Variants in SH2D4B observed in about 807,000 individuals in gnomAD.
SH2D4B encodes SH2 domain containing 4B, also known as SH2 domain-containing protein 4B.
Under a neutral mutation model 61.5 loss-of-function variants are expected in SH2D4B, and 45 were observed. That is an observed-to-expected ratio of 0.73 (90% CI 0.58 to 0.94). The LOEUF (loss-of-function observed/expected upper bound fraction) is 0.94, where lower values mean the gene tolerates loss of function less well. Among genes scored for constraint, SH2D4B ranks in the 40% least tolerant of loss-of-function variants. SH2D4B has a pLI of 0.00. For missense variants in SH2D4B, 572 were observed against 574.2 expected, an observed-to-expected ratio of 1.00 and a Z score of 0.04; for synonymous variants, 224 against 220.4, an observed-to-expected ratio of 1.02 and a Z score of -0.14.
Position 80,603,649 on chromosome 10 carries a change from C to T in SH2D4B, c.714C>T (p.His238=), listed in dbSNP as rs1913762. ...RAQRARDEYR[H]HSLRAIQKGT... ...AGCGCGCCCGGGACGAGTACCGACA[C>T]CACTCGCTCCGTGCTATCCAGAAGG... Residue 238 remains histidine (H), a synonymous_variant, in exon 5 of 8, where the codon CAC becomes CAT. Transcript: ENST00000646907. 111,947 of 1,604,272 alleles carry T rather than the reference C, an allele frequency of 0.07. 4,440 individuals carry two copies. The highest frequency in any genetic ancestry group is 0.13 in the Admixed American group (7,841 of 58,338).
chr10:80,551,538 A>G (rs145962127), intron 1 of SH2D4B, among the ~76,000 whole-genome samples: 224 of 152,336 alleles, frequency 1.5e-3, no homozygotes, highest in African/African-American at 5.1e-3. Flanking sequence ...AATGAAGGAA[A>G]AAAAATGAAC....
At chr10:80,612,869 C>G (rs568824634) in intron 6 of SH2D4B, among the ~76,000 whole-genome samples, 7 of 152,328 alleles carry the variant, frequency 4.6e-5, no homozygotes, top group African/African-American at 1.7e-4. Context: ...GACAAAGAAT[C>G]TGAAGATATG....
intron 1 of SH2D4B, among the ~76,000 whole-genome samples, chr10:80,554,806 A>G (rs1327229864): frequency 1.3e-5 from 2 of 152,186 alleles, no homozygotes; most frequent in Admixed American, 1.3e-4. Context: ...TCAGGAGATC[A>G]AGACTATCCT....
chr10:80,612,473 G>A lies in SH2D4B; in HGVS notation c.988+2922G>A, dbSNP rs558273037. On this transcript the variant is annotated intron_variant, in intron 6 of 7. Coordinates refer to ENST00000646907, the MANE Select transcript of SH2D4B (RefSeq NM_001388272.1). The stretch of plus-strand genomic sequence containing the variant: ...TTCTGGGACCAGTGGGCCAGCTCAG[G>A]CATGCTCTTCTCATGGTGACAGGAC... 3.3e-4 allele frequency among the ~76,000 whole-genome samples: 50 copies of A among 152,206 alleles called. 1 individual carries two copies. Among genetic ancestry groups the A allele is most frequent in the South Asian group, 2.3e-3 (11 of 4,822 alleles).
At chr10:80,570,062 T>C in intron 1 of SH2D4B, 92 bp from the exon 2 acceptor site, 7 of 1,442,690 alleles carry the variant, frequency 4.9e-6, no homozygotes, top group Non-Finnish European at 6.7e-6. Context: ...TTCCATAGAG[T>C]GATGTGATGG....
At chr10:80,613,812 A>G (rs1015061264) in intron 6 of SH2D4B, among the ~76,000 whole-genome samples, 1 of 152,174 alleles carries the variant, frequency 6.6e-6, no homozygotes, top group Non-Finnish European at 1.5e-5. Flanking sequence ...ACCTGCTTCC[A>G]CTGTGACCTC....
chr10:80,542,915 C>T (rs1049511518), intron 1 of SH2D4B, among the ~76,000 whole-genome samples: 11 of 152,192 alleles, frequency 7.2e-5, no homozygotes, highest in African/African-American at 2.7e-4. Flanking sequence ...TGCTCACTGT[C>T]CTGCCCTCAT....
In SH2D4B at chr10:80,644,218, C is replaced by T; in HGVS notation, c.*133C>T. 1 of 695,044 alleles carries T rather than the reference C, an allele frequency of 1.4e-6. No homozygotes were observed. The highest frequency in any genetic ancestry group is 2.5e-6 in the Non-Finnish European group (1 of 406,688). 43.1% of individuals were successfully genotyped at this position (695,044 alleles called of 1,614,324 possible). A position where few individuals can be genotyped will look rare whatever the true frequency, so the allele number is the denominator to read the frequency against. ...AAGGAAAAAGTAGATTAATATGCCT[C>T]AAGGGATATGACATCTATGGCATAG... On this transcript the variant is annotated 3_prime_UTR_variant, in exon 8 of 8. Transcript: ENST00000646907.
At chr10:80,643,149 T>A (rs1177958749) in intron 7 of SH2D4B, 2 of 152,660 alleles carry the variant, frequency 1.3e-5, no homozygotes, top group Non-Finnish European at 2.9e-5. Context: ...AATTGCTTTT[T>A]AGTTATGAGC....
intron 1 of SH2D4B, among the ~76,000 whole-genome samples, chr10:80,545,767 C>T (rs1393109024): frequency 6.6e-6 from 1 of 152,214 alleles, no homozygotes; most frequent in African/African-American, 2.4e-5. Context: ...TGACTGGGGA[C>T]ACAGATGCTA....
intron 3 of SH2D4B, among the ~76,000 whole-genome samples, chr10:80,581,886 G>C (rs539954240): frequency 2.0e-5 from 3 of 152,026 alleles, no homozygotes; most frequent in African/African-American, 7.2e-5. Flanking sequence ...TGGGTCCTTT[G>C]GTATACTTCA....
At chr10:80,550,919 A>AC (rs1841751973) in intron 1 of SH2D4B, among the ~76,000 whole-genome samples, 2 of 152,256 alleles carry the variant, frequency 1.3e-5, no homozygotes, top group African/African-American at 4.8e-5. Context: ...AAAGATCAAC[A>AC]CAAAAAAAGG....
In SH2D4B at chr10:80,606,183, C is replaced by G. The variant is rs550450140; in HGVS notation, c.860+2388C>G. On this transcript the variant is annotated intron_variant, in intron 5 of 7. Coordinates refer to ENST00000646907, the MANE Select transcript of SH2D4B (RefSeq NM_001388272.1). ...GTTTGTGCTAAGAGCAGATGCATGCCGCTGATGGGAGGAGAGGTTCAGATT... is the reference window on the plus strand; with the variant it reads ...GTTTGTGCTAAGAGCAGATGCATGCGGCTGATGGGAGGAGAGGTTCAGATT... Among the ~76,000 whole-genome samples, 13 of 152,046 alleles carry G rather than the reference C, an allele frequency of 8.6e-5. No homozygotes were observed. In the East Asian group the frequency reaches 2.3e-3, roughly 27 times the overall value.
intron 6 of SH2D4B, among the ~76,000 whole-genome samples, chr10:80,632,639 T>G (rs79181994): frequency 0.017 from 2,543 of 152,160 alleles, 82 homozygotes; most frequent in African/African-American, 0.058. Flanking sequence ...ATCTCCCTGC[T>G]GCAGCCTCTT....
At chr10:80,566,442 T>G (rs1345933156) in intron 1 of SH2D4B, among the ~76,000 whole-genome samples, 2 of 151,850 alleles carry the variant, frequency 1.3e-5, no homozygotes, top group Non-Finnish European at 2.9e-5. Flanking sequence ...ATTACAAGCA[T>G]GCACCATCAT....
chr10:80,544,212 G>T (rs1841633642), intron 1 of SH2D4B, among the ~76,000 whole-genome samples: 1 of 152,206 alleles, frequency 6.6e-6, no homozygotes, highest in African/African-American at 2.4e-5. Flanking sequence ...GCGAGCCCAC[G>T]GGGAAGAATG....
At position 80,600,390 on chromosome 10, in the gene SH2D4B, G is replaced by C. The variant is rs186011098; in HGVS notation, c.644-3189G>C. 3.8e-4 allele frequency among the ~76,000 whole-genome samples: 58 copies of C among 152,312 alleles called. 1 individual carries two copies. The East Asian group carries it at 0.011, about 28-fold the overall frequency. ...TTCTACAGGACACTGAGCTTTTTCT[G>C]TCTGGGCAGGGGAGTAGGGTGGGCC... On this transcript the variant is annotated intron_variant, in intron 4 of 7. Coordinates refer to ENST00000646907, the MANE Select transcript of SH2D4B (RefSeq NM_001388272.1).
In SH2D4B at chr10:80,585,993, C is replaced by T. The variant is rs562768077; in HGVS notation, c.496-2637C>T. Among the ~76,000 whole-genome samples, 13 of 152,272 alleles carry T rather than the reference C, an allele frequency of 8.5e-5. No individual in the cohort carries two copies. In the East Asian group the frequency reaches 2.3e-3, roughly 27 times the overall value. ...GAGCGTCGAGCCGGCCCCGCCAGCCCGGGCAATGAGGGGCTTAGCACCCAG... is the reference window on the plus strand; with the variant it reads ...GAGCGTCGAGCCGGCCCCGCCAGCCTGGGCAATGAGGGGCTTAGCACCCAG... On this transcript the variant is annotated intron_variant, in intron 3 of 7. Coordinates refer to ENST00000646907, the MANE Select transcript of SH2D4B (RefSeq NM_001388272.1).
At chr10:80,608,839 T>C (rs993461996) in intron 5 of SH2D4B, among the ~76,000 whole-genome samples, 8 of 152,296 alleles carry the variant, frequency 5.3e-5, no homozygotes, top group African/African-American at 1.9e-4. Flanking sequence ...GTTCTCCAGC[T>C]TCTCTCTCTG....
Sources: allele counts gnomAD v4.1 joint callset (sites outside exome capture counted in the v4.1 genomes callset), GRCh38; gene constraint gnomAD v4.1.1; transcripts MANE v1.5; gene names NCBI Gene and HGNC (gene_info 2026-07-23, HGNC 2026-07-21).